CDH13: variants seen among roughly 807,000 people sequenced by gnomAD.
CDH13 encodes cadherin-13.
A neutral mutation model predicts 63.8 loss-of-function variants in CDH13; 24 were observed. The ratio of observed to expected loss-of-function variants is 0.38; its 90% confidence interval spans 0.27 to 0.53. The LOEUF (loss-of-function observed/expected upper bound fraction) is 0.53, where lower values mean the gene tolerates loss of function less well. Ranked by LOEUF, CDH13 falls within the 20% of genes least tolerant of loss-of-function variation. The pLI, the probability that CDH13 is intolerant of heterozygous loss-of-function variation, is 0.85. For synonymous variants in CDH13, 503 were observed against 355.3 expected (o/e 1.42, Z -4.67); for missense variants, 1,049 against 903.1 (o/e 1.16, Z -2.07).
intron 8 of CDH13, among the ~76,000 whole-genome samples, chr16:83,634,540 A>G (rs775806698): frequency 1.3e-5 from 2 of 151,850 alleles, no homozygotes; most frequent in Non-Finnish European, 2.9e-5. Context: ...AGCTGGGACT[A>G]CAGATGCCTG....
chr16:83,717,886 C>A (rs1909160428), intron 10 of CDH13: 1 of 152,194 alleles, frequency 6.6e-6, no homozygotes, highest in Non-Finnish European at 1.5e-5. Context: ...GCTCTGCTTG[C>A]CTCTCCTGTT....
intron 1 of CDH13, among the ~76,000 whole-genome samples, chr16:82,830,859 CT>C (rs2038507648): frequency 2.0e-5 from 3 of 152,120 alleles, no homozygotes; most frequent in Non-Finnish European, 4.4e-5. Flanking sequence ...TGTGGTACTT[CT>C]ATGTGACAAG....
At chr16:83,064,907 T>G (rs1245421686) in intron 3 of CDH13, among the ~76,000 whole-genome samples, 1 of 152,168 alleles carries the variant, frequency 6.6e-6, no homozygotes, top group East Asian at 1.9e-4. Context: ...TATAATACAT[T>G]ATTATTGACT....
At chr16:82,731,132 C>A (rs548931495) in intron 1 of CDH13, among the ~76,000 whole-genome samples, 2 of 152,274 alleles carry the variant, frequency 1.3e-5, no homozygotes, top group East Asian at 3.9e-4. Flanking sequence ...CAGGAACTGG[C>A]AAACACCTCA....
intron 5 of CDH13, among the ~76,000 whole-genome samples, chr16:83,277,175 C>A (rs985843360): frequency 1.3e-5 from 2 of 152,134 alleles, no homozygotes; most frequent in African/African-American, 2.4e-5. Flanking sequence ...TGGTACCTGT[C>A]TTCTTAAAAG....
chr16:83,061,809 A>G (rs901871246), intron 3 of CDH13, among the ~76,000 whole-genome samples: 5 of 152,232 alleles, frequency 3.3e-5, no homozygotes, highest in Admixed American at 6.5e-5. Context: ...TCAGTCTCCC[A>G]GCAAAATTGA....
At chr16:82,951,902 C>T (rs890369224) in intron 2 of CDH13, among the ~76,000 whole-genome samples, 2 of 152,152 alleles carry the variant, frequency 1.3e-5, no homozygotes, top group Non-Finnish European at 1.5e-5. Context: ...AAGAGATGAG[C>T]CCCATAAACC....
At chr16:83,089,075 C>A (rs1255972904) in intron 3 of CDH13, among the ~76,000 whole-genome samples, 1 of 152,128 alleles carries the variant, frequency 6.6e-6, no homozygotes, top group Non-Finnish European at 1.5e-5. Context: ...ACTCCTGAGG[C>A]AGGGTTTTAT....
intron 5 of CDH13, among the ~76,000 whole-genome samples, chr16:83,269,341 AT>A (rs1405718278): frequency 1.3e-5 from 2 of 152,192 alleles, no homozygotes; most frequent in African/African-American, 2.4e-5. Context: ...CATTAAATAT[AT>A]TATGCAATGC....
chr16:83,689,286 C>CT (rs201916264), intron 10 of CDH13, among the ~76,000 whole-genome samples: 120 of 151,050 alleles, frequency 7.9e-4, no homozygotes, highest in African/African-American at 2.5e-3. Context: ...ATCTACTTAG[C>CT]TTTTTTTTTA....
At chr16:82,788,621 T>C (rs1213030930) in intron 1 of CDH13, among the ~76,000 whole-genome samples, 2 of 152,222 alleles carry the variant, frequency 1.3e-5, no homozygotes, top group African/African-American at 4.8e-5. Context: ...ACAGAGCATT[T>C]GTATGAAATT....
At chr16:82,708,488 A>G (rs1004772952) in intron 1 of CDH13, among the ~76,000 whole-genome samples, 47 of 152,086 alleles carry the variant, frequency 3.1e-4, no homozygotes, top group African/African-American at 1.1e-3. Context: ...TTTCTGTGTG[A>G]AGACTCCACT....
At chr16:82,760,523 G>C (rs1304866152) in intron 1 of CDH13, among the ~76,000 whole-genome samples, 1 of 152,044 alleles carries the variant, frequency 6.6e-6, no homozygotes, top group Non-Finnish European at 1.5e-5. Flanking sequence ...TTTGGACCCT[G>C]TTTACAAAAA....
At chr16:83,356,869 C>A (rs914420003) in intron 6 of CDH13, among the ~76,000 whole-genome samples, 2 of 152,090 alleles carry the variant, frequency 1.3e-5, no homozygotes, top group African/African-American at 4.8e-5. Flanking sequence ...TTTTTAAAAA[C>A]CAAGTATAGT....
chr16:82,671,575 A>T (rs549515524), intron 1 of CDH13, among the ~76,000 whole-genome samples: 5 of 152,244 alleles, frequency 3.3e-5, no homozygotes, highest in Non-Finnish European at 7.3e-5. Context: ...TAGTCTTCAG[A>T]TACATAGGTT....
intron 2 of CDH13, among the ~76,000 whole-genome samples, chr16:82,955,289 C>G (rs1388344261): frequency 2.0e-5 from 3 of 152,162 alleles, no homozygotes; most frequent in African/African-American, 4.8e-5. Flanking sequence ...GGAGAAAAAT[C>G]AGCATCAGGC....
intron 11 of CDH13, among the ~76,000 whole-genome samples, chr16:83,759,087 A>C (rs1318271146): frequency 6.6e-6 from 1 of 152,254 alleles, no homozygotes; most frequent in Non-Finnish European, 1.5e-5. Context: ...AAAAATGGCC[A>C]AGGCAATCTT....
At chr16:82,872,441 C>T (rs1057301975) in intron 2 of CDH13, among the ~76,000 whole-genome samples, 2 of 152,188 alleles carry the variant, frequency 1.3e-5, no homozygotes, top group African/African-American at 4.8e-5. Flanking sequence ...ACGGATGTTA[C>T]AGGAGCATCT....
intron 7 of CDH13, among the ~76,000 whole-genome samples, chr16:83,532,348 C>T (rs931610190): frequency 6.6e-6 from 1 of 152,180 alleles, no homozygotes. Context: ...CCCATTGCAC[C>T]TTGAAATTCA....
Sources: gnomAD v4.1 joint callset for allele counts (sites outside exome capture counted in the v4.1 genomes callset) on GRCh38, gnomAD v4.1.1 for gene constraint, MANE v1.5 for transcripts, NCBI Gene and HGNC (gene_info 2026-07-23, HGNC 2026-07-21) for gene names.